Variants in CNTNAP4 observed in about 807,000 individuals in gnomAD.
CNTNAP4 encodes the protein contactin-associated protein-like 4.
Under a neutral mutation model 148.4 loss-of-function variants are expected in CNTNAP4, and 98 were observed. The observed-to-expected ratio is 0.66, with a 90% CI of 0.56 to 0.78. The LOEUF is 0.78. Among genes scored for constraint, CNTNAP4 ranks in the 30% least tolerant of loss-of-function variants. The pLI is 0.00. For missense variants in CNTNAP4, 1,935 were observed against 1,565.6 expected (o/e 1.24, Z -3.98); for synonymous variants, 730 against 565.1 (o/e 1.29, Z -4.14).
chr16:76,474,575 A>T (rs1416673381), intron 10 of CNTNAP4, among the ~76,000 whole-genome samples: 1 of 152,170 alleles, frequency 6.6e-6, no homozygotes, highest in Non-Finnish European at 1.5e-5. Flanking sequence ...AAACCCCATC[A>T]CAAATGTGTT....
rs575209729 is a variant in CNTNAP4 at position 76,505,065 on chromosome 16, T to C, written c.2365+6371T>C. On this transcript the variant is annotated intron_variant, in intron 15 of 23. Transcript: ENST00000611870. ...CTTTGGAAAAGAATTTGGTTTCTTA[T>C]AATGTTAAACCCACATTTACCATAT... 3.6e-3 allele frequency among the ~76,000 whole-genome samples: 541 copies of C among 152,322 alleles called. 2 individuals are homozygous for C. Among genetic ancestry groups the C allele is most frequent in the African/African-American group, 0.012 (518 of 41,594 alleles).
chr16:76,476,764 C>T (rs2081600550), intron 11 of CNTNAP4, among the ~76,000 whole-genome samples: 1 of 152,066 alleles, frequency 6.6e-6, no homozygotes, highest in Non-Finnish European at 1.5e-5. Context: ...CTCTCATGGC[C>T]TAATCACTTC....
At chr16:76,511,838 G>GGAGAGAGA (rs61708542) in intron 15 of CNTNAP4, among the ~76,000 whole-genome samples, 6,428 of 148,178 alleles carry the variant, frequency 0.043, 134 homozygotes, top group Middle Eastern at 0.11. Flanking sequence ...ATATTTTCTT[G>GGAGAGAGA]GAGAGAGAGA....
chr16:76,320,049 G>GAA, intron 2 of CNTNAP4, among the ~76,000 whole-genome samples: 1 of 152,280 alleles, frequency 6.6e-6, no homozygotes, highest in East Asian at 1.9e-4. Context: ...AGAATTTTGA[G>GAA]GCACTTGATA....
intron 3 of CNTNAP4, among the ~76,000 whole-genome samples, chr16:76,380,358 G>A (rs775972991): frequency 4.6e-5 from 7 of 152,138 alleles, no homozygotes; most frequent in African/African-American, 7.2e-5. Flanking sequence ...AGGTCTCTCC[G>A]TATCACATAA....
At chr16:76,465,744 T>C (rs2081154383) in intron 9 of CNTNAP4, among the ~76,000 whole-genome samples, 1 of 152,220 alleles carries the variant, frequency 6.6e-6, no homozygotes, top group African/African-American at 2.4e-5. Flanking sequence ...TGGAAATGTG[T>C]GTAGTACCAT....
At chr16:76,354,436 A>T (rs1041208268) in intron 2 of CNTNAP4, among the ~76,000 whole-genome samples, 1 of 152,164 alleles carries the variant, frequency 6.6e-6, no homozygotes, top group African/African-American at 2.4e-5. Context: ...TGAGTGATCA[A>T]GCACAGCTTG....
At position 76,448,691 on chromosome 16, in the gene CNTNAP4, G is replaced by A. The variant is rs796722203; in HGVS notation, c.743-76G>A. On this transcript the variant is annotated intron_variant, in intron 5 of 23. Coordinates refer to ENST00000611870, the MANE Select transcript of CNTNAP4 (RefSeq NM_033401.5). ...GATTGCAATTATTATGAAAGATGGT[G>A]GTCCACAGAAGGGAACCTTTTTTTT... is the stretch of plus-strand genomic sequence containing the variant. The A allele has an allele frequency of 3.0e-5, 31 of 1,040,300 alleles. No homozygotes were observed. In the African/African-American group the frequency reaches 5.1e-4, roughly 17 times the overall value. 64.4% of individuals were successfully genotyped at this position (1,040,300 alleles called of 1,614,324 possible).
chr16:76,489,371 A>G (rs1222284989), intron 12 of CNTNAP4, among the ~76,000 whole-genome samples: 1 of 152,202 alleles, frequency 6.6e-6, no homozygotes, highest in Non-Finnish European at 1.5e-5. Context: ...GATTTCAATG[A>G]AATAAAATAC....
intron 15 of CNTNAP4, among the ~76,000 whole-genome samples, chr16:76,519,343 A>G (rs1221853338): frequency 1.3e-5 from 2 of 152,298 alleles, no homozygotes; most frequent in East Asian, 3.9e-4. Context: ...AGAATTGTTC[A>G]TCTGGTTCAA....
chr16:76,372,157 T>TG (rs2014901899), intron 3 of CNTNAP4, among the ~76,000 whole-genome samples: 2 of 150,700 alleles, frequency 1.3e-5, no homozygotes, highest in African/African-American at 4.9e-5. Context: ...TTTTTTTTTT[T>TG]GAGACGGAGT....
chr16:76,417,436 C>A (rs1457523912), intron 3 of CNTNAP4, among the ~76,000 whole-genome samples: 1 of 151,338 alleles, frequency 6.6e-6, no homozygotes, highest in Non-Finnish European at 1.5e-5. Context: ...TAATACTATT[C>A]TACTTATTAT....
intron 3 of CNTNAP4, among the ~76,000 whole-genome samples, chr16:76,414,803 G>A (rs747846824): frequency 2.0e-5 from 3 of 151,282 alleles, no homozygotes; most frequent in African/African-American, 4.8e-5. Context: ...GGCATAATTC[G>A]AAATATCATT....
chr16:76,500,032 C>T (rs2082564562), intron 15 of CNTNAP4, among the ~76,000 whole-genome samples: 1 of 152,148 alleles, frequency 6.6e-6, no homozygotes, highest in African/African-American at 2.4e-5. Flanking sequence ...TTCGACAAAA[C>T]CGCCATCGTC....
At chr16:76,302,247 T>G (rs1597125902) in intron 1 of CNTNAP4, among the ~76,000 whole-genome samples, 1 of 152,154 alleles carries the variant, frequency 6.6e-6, no homozygotes, top group African/African-American at 2.4e-5. Context: ...CAAGTAGATC[T>G]GACAAAATTA....
chr16:76,335,581 A>G (rs929609882), intron 2 of CNTNAP4, among the ~76,000 whole-genome samples: 17 of 152,162 alleles, frequency 1.1e-4, no homozygotes, highest in African/African-American at 3.4e-4. Flanking sequence ...CCTGTCCTCA[A>G]ACTAAGTCCA....
intron 1 of CNTNAP4, chr16:76,309,787 C>G: frequency 2.9e-6 from 2 of 696,610 alleles, no homozygotes; most frequent in South Asian, 1.5e-5. Flanking sequence ...GTGCTATTCT[C>G]GTGATAGTGA....
At chr16:76,395,996 G>A (rs776793459) in intron 3 of CNTNAP4, among the ~76,000 whole-genome samples, 5 of 152,062 alleles carry the variant, frequency 3.3e-5, no homozygotes, top group African/African-American at 1.2e-4. Flanking sequence ...CCCAAAATGC[G>A]AGGATTACAG....
At chr16:76,310,225 G>A (rs997179907) in intron 1 of CNTNAP4, among the ~76,000 whole-genome samples, 2 of 152,146 alleles carry the variant, frequency 1.3e-5, no homozygotes, top group Non-Finnish European at 2.9e-5. Flanking sequence ...GAGACAAGAC[G>A]CCACCTGGGA....
Sources: allele counts gnomAD v4.1 joint callset (sites outside exome capture counted in the v4.1 genomes callset), GRCh38; gene constraint gnomAD v4.1.1; transcripts MANE v1.5; gene names NCBI Gene and HGNC (gene_info 2026-07-23, HGNC 2026-07-21).